The following CNNM4 variants were observed in gnomAD, a reference collection of about 807,000 sequenced individuals.
The protein encoded by CNNM4 is cyclin and CBS domain divalent metal cation transport mediator 4.
A neutral mutation model predicts 53.7 loss-of-function variants in CNNM4; 32 were observed. The observed-to-expected ratio is 0.60, with a 90% confidence interval of 0.45 to 0.80. The LOEUF (loss-of-function observed/expected upper bound fraction) is 0.80, where lower values mean the gene tolerates loss of function less well. CNNM4 is among the 30% of genes least tolerant of loss of function. The probability of loss-of-function intolerance (pLI) is 0.00; values close to 1 mark genes in which losing one functional copy is unlikely to be tolerated. For synonymous variants in CNNM4, 410 were observed against 440.0 expected, an observed-to-expected ratio of 0.93 and a Z score of 0.85; for missense variants, 784 against 1,022.0, an observed-to-expected ratio of 0.77 and a Z score of 3.17.
intron 1 of CNNM4, among the ~76,000 whole-genome samples, chr2:96,773,618 A>G (rs2078897972): frequency 6.6e-6 from 1 of 152,118 alleles, no homozygotes; most frequent in Non-Finnish European, 1.5e-5. Context: ...CGAGGTGGAC[A>G]GACCACCTGA....
intron 1 of CNNM4, among the ~76,000 whole-genome samples, chr2:96,770,753 C>T (rs1031508021): frequency 6.6e-6 from 1 of 152,218 alleles, no homozygotes; most frequent in African/African-American, 2.4e-5. Context: ...TACTACAGGC[C>T]TCCAGTCTCC....
chr2:96,803,255 G>A (rs1156871584), intron 5 of CNNM4, among the ~76,000 whole-genome samples: 1 of 152,140 alleles, frequency 6.6e-6, no homozygotes, highest in Non-Finnish European at 1.5e-5. Context: ...AATCCTGAGA[G>A]CAGGTGTGCC....
intron 1 of CNNM4, among the ~76,000 whole-genome samples, chr2:96,770,003 G>A (rs763243093): frequency 6.6e-6 from 1 of 152,194 alleles, no homozygotes; most frequent in Non-Finnish European, 1.5e-5. Flanking sequence ...GCAGTGCTGT[G>A]GGAAGGGAAC....
Position 96,761,105 on chromosome 2 carries a change from C to G in CNNM4, c.106C>G (p.Arg36Gly). Reference protein sequence around the residue: ...LLVLLWALGARGQGSPQQGTI... With the variant: ...LLVLLWALGAGGQGSPQQGTI... ...GGTGCTGCTGTGGGCGCTGGGGGCC[C>G]GGGGCCAGGGCAGCCCCCAGCAGGG... The change falls in exon 1 of 7, where the codon CGG becomes GGG. Residue 36 changes from arginine to glycine, a missense_variant. Arg to Gly is a moderately radical substitution (Grantham distance 125). Transcript: ENST00000377075. The surrounding 1 kb of genome is among the most constrained non-coding windows in gnomAD (Gnocchi z 6.0). 1 of 1,544,582 alleles carries G rather than the reference C, an allele frequency of 6.5e-7. No homozygotes were observed. Among genetic ancestry groups the G allele is most frequent in the Non-Finnish European group, 8.8e-7 (1 of 1,139,778 alleles).
At chr2:96,790,443 C>T (rs2079052233) in intron 1 of CNNM4, among the ~76,000 whole-genome samples, 3 of 151,916 alleles carry the variant, frequency 2.0e-5, no homozygotes, top group Admixed American at 2.0e-4. Flanking sequence ...CAACCTCCAC[C>T]TCCCAGATTC....
At chr2:96,773,793 A>T (rs1296561673) in intron 1 of CNNM4, among the ~76,000 whole-genome samples, 1 of 151,736 alleles carries the variant, frequency 6.6e-6, no homozygotes, top group Non-Finnish European at 1.5e-5. Context: ...CAGTGAGCCA[A>T]GATCATGCCA....
intron 5 of CNNM4, 98 bp downstream of exon 5, chr2:96,799,746 A>T (rs1013106654): frequency 2.0e-5 from 21 of 1,058,256 alleles, no homozygotes; most frequent in Non-Finnish European, 3.0e-5. Flanking sequence ...GAGAGCTCAT[A>T]GCCAGCTGGC....
At chr2:96,806,368 C>A (rs2079205972) in intron 5 of CNNM4, among the ~76,000 whole-genome samples, 1 of 151,286 alleles carries the variant, frequency 6.6e-6, no homozygotes, top group Non-Finnish European at 1.5e-5. Context: ...TTAATTAGAT[C>A]TTGGGTTCAG....
chr2:96,797,959 CAGG>C lies in CNNM4; in HGVS notation c.1681+317_1681+319del, dbSNP rs1310725613. ...ATCCCAGCACTTTGGGAGGCCGAGG[CAGG>C]AGGATTGCATGAGCCCAGGAGTTCG... On this transcript the variant is annotated intron_variant, in intron 3 of 6. Transcript: ENST00000377075. This position sits in a 1 kb window ranked among gnomAD's most constrained non-coding sequence, Gnocchi z 6.0. Among the ~76,000 whole-genome samples, 2 of 152,142 alleles carry C rather than the reference CAGG, an allele frequency of 1.3e-5. No individual in the cohort carries two copies.
intron 1 of CNNM4, among the ~76,000 whole-genome samples, chr2:96,791,422 A>G (rs1464422966): frequency 6.6e-6 from 1 of 151,992 alleles, no homozygotes; most frequent in Non-Finnish European, 1.5e-5. Context: ...ACCTGAGGTC[A>G]GGAGCTCGAG....
chr2:96,809,549 C>CG lies in CNNM4; in HGVS notation c.*37dup, dbSNP rs2153351840. On this transcript the variant is annotated 3_prime_UTR_variant, in exon 7 of 7. Transcript: ENST00000377075. The stretch of plus-strand genomic sequence containing the variant: ...GGCCCGGGGCCCCCTGCCCACCCTG[C>CG]GGGGGCCTCCCCAGTGGGCCCACAT... 3 of 1,595,838 alleles carry CG rather than the reference C, an allele frequency of 1.9e-6. No individual in the cohort carries two copies. Among genetic ancestry groups the CG allele is most frequent in the East Asian group, 4.5e-5 (2 of 44,746 alleles).
At chr2:96,765,727 A>G (rs1300258895) in intron 1 of CNNM4, among the ~76,000 whole-genome samples, 1 of 151,992 alleles carries the variant, frequency 6.6e-6, no homozygotes, top group Non-Finnish European at 1.5e-5. Flanking sequence ...CAAATGAATG[A>G]ACAATGGATG....
intron 1 of CNNM4, among the ~76,000 whole-genome samples, chr2:96,776,187 G>A (rs1338829631): frequency 3.3e-5 from 5 of 151,690 alleles, no homozygotes; most frequent in African/African-American, 1.2e-4. Context: ...ACACCACCAC[G>A]CCTGGCTAAT....
intron 1 of CNNM4, among the ~76,000 whole-genome samples, chr2:96,765,039 T>G (rs1300127945): frequency 3.7e-5 from 4 of 108,118 alleles, no homozygotes; most frequent in African/African-American, 8.4e-5. Flanking sequence ...TTTTTTTTTT[T>G]TTTTTTTTTT....
At chr2:96,782,996 A>G (rs1389352013) in intron 1 of CNNM4, among the ~76,000 whole-genome samples, 1 of 152,176 alleles carries the variant, frequency 6.6e-6, no homozygotes, top group Non-Finnish European at 1.5e-5. Context: ...TCTTGGGGTC[A>G]GGAGTTCAAG....
intron 5 of CNNM4, among the ~76,000 whole-genome samples, chr2:96,806,535 A>ACACACACACACACACACACACGCG (rs374638753): frequency 1.0e-4 from 13 of 124,006 alleles, no homozygotes; most frequent in African/African-American, 3.2e-4. Context: ...ACACACACAC[A>ACACACACACACACACACACACGCG]CGCGCGCGCG....
At chr2:96,798,131 G>A (rs2079121542) in intron 3 of CNNM4, 3 of 258,126 alleles carry the variant, frequency 1.2e-5, no homozygotes, top group Non-Finnish European at 2.3e-5. Context: ...TACTCAGGAG[G>A]CTGATGTGGG....
chr2:96,792,658 G>T (rs1266032872), intron 1 of CNNM4, among the ~76,000 whole-genome samples: 1 of 152,092 alleles, frequency 6.6e-6, no homozygotes, highest in Non-Finnish European at 1.5e-5. Context: ...CAAAAAATTA[G>T]CTGGGTGTGG....
intron 5 of CNNM4, among the ~76,000 whole-genome samples, chr2:96,806,533 ACACGCG>A (rs1167311600): frequency 2.7e-4 from 38 of 138,602 alleles, no homozygotes; most frequent in African/African-American, 3.2e-4. Context: ...ACACACACAC[ACACGCG>A]CGCGCGCGCG....
Sources: gnomAD v4.1 joint callset for allele counts (sites outside exome capture counted in the v4.1 genomes callset) on GRCh38, gnomAD v4.1.1 for gene constraint, Gnocchi (gnomAD v3.1) non-coding constraint, MANE v1.5 for transcripts, NCBI Gene and HGNC (gene_info 2026-07-23, HGNC 2026-07-21) for gene names.